Variants in CNTNAP2 observed in about 807,000 individuals in gnomAD.
The protein encoded by CNTNAP2 is contactin associated protein 2, also known as contactin-associated protein-like 2.
Under a neutral mutation model 155.2 loss-of-function variants are expected in CNTNAP2, and 98 were observed. That is an observed-to-expected ratio of 0.63 (90% confidence interval 0.54 to 0.75). The LOEUF is 0.75. Ranked by LOEUF, CNTNAP2 falls within the 30% of genes least tolerant of loss-of-function variation. CNTNAP2 has a pLI of 0.00. For missense variants in CNTNAP2, 1,727 were observed against 1,688.1 expected (o/e 1.02, Z -0.40); for synonymous variants, 651 against 631.2 (o/e 1.03, Z -0.47).
chr7:146,912,686 A>G (rs1187101131), intron 3 of CNTNAP2, among the ~76,000 whole-genome samples: 1 of 152,136 alleles, frequency 6.6e-6, no homozygotes, highest in Admixed American at 6.6e-5. Context: ...TCACTTTCCC[A>G]TTTGTGGCAT....
intron 21 of CNTNAP2, among the ~76,000 whole-genome samples, chr7:148,382,729 G>A (rs563961712): frequency 4.6e-5 from 7 of 152,304 alleles, no homozygotes; most frequent in East Asian, 1.9e-4. Context: ...CAGAGCAATC[G>A]CAGTGCTGCC....
intron 21 of CNTNAP2, among the ~76,000 whole-genome samples, chr7:148,280,500 G>C (rs1796953470): frequency 6.6e-6 from 1 of 152,174 alleles, no homozygotes; most frequent in Non-Finnish European, 1.5e-5. Context: ...TGGTGACACT[G>C]TACTCCTGAT....
intron 1 of CNTNAP2, among the ~76,000 whole-genome samples, chr7:146,550,665 T>C (rs1798108481): frequency 6.6e-6 from 1 of 152,072 alleles, no homozygotes; most frequent in Non-Finnish European, 1.5e-5. Context: ...CAGTTGATTC[T>C]AATTAAGTAT....
At chr7:146,824,649 CT>C (rs1803364804) in intron 2 of CNTNAP2, among the ~76,000 whole-genome samples, 1 of 152,058 alleles carries the variant, frequency 6.6e-6, no homozygotes, top group Non-Finnish European at 1.5e-5. Context: ...CGATCATGAG[CT>C]TTTTTTCATA....
At chr7:147,086,788 TTCTC>T (rs1275985436) in intron 4 of CNTNAP2, among the ~76,000 whole-genome samples, 1 of 152,190 alleles carries the variant, frequency 6.6e-6, no homozygotes, top group Non-Finnish European at 1.5e-5. Flanking sequence ...ATGTAGCACT[TTCTC>T]TAACTATATC....
chr7:146,443,623 C>T (rs1259430371), intron 1 of CNTNAP2, among the ~76,000 whole-genome samples: 1 of 152,202 alleles, frequency 6.6e-6, no homozygotes, highest in East Asian at 1.9e-4. Context: ...CATTTTGTAA[C>T]AAAGGCTATT....
intron 13 of CNTNAP2, among the ~76,000 whole-genome samples, chr7:147,833,782 G>C (rs751505175): frequency 6.6e-6 from 1 of 152,210 alleles, no homozygotes; most frequent in Non-Finnish European, 1.5e-5. Flanking sequence ...ACAAAGCTCT[G>C]TTAGGCAAGG....
chr7:146,554,377 G>T (rs190771561), intron 1 of CNTNAP2, among the ~76,000 whole-genome samples: 1 of 152,080 alleles, frequency 6.6e-6, no homozygotes, highest in Non-Finnish European at 1.5e-5. Context: ...AAAATATTTT[G>T]CTCCATAATA....
chr7:146,944,259 A>G (rs1213089544), intron 3 of CNTNAP2, among the ~76,000 whole-genome samples: 1 of 149,762 alleles, frequency 6.7e-6, no homozygotes, highest in Non-Finnish European at 1.5e-5. Flanking sequence ...ATCTCCAATC[A>G]TTTTTCAATA....
intron 13 of CNTNAP2, among the ~76,000 whole-genome samples, chr7:147,852,363 G>C (rs890859176): frequency 1.3e-5 from 2 of 152,108 alleles, no homozygotes; most frequent in African/African-American, 2.4e-5. Flanking sequence ...CCAAAAATAT[G>C]TTAAGATGTT....
chr7:146,894,785 A>T (rs972233586), intron 3 of CNTNAP2, among the ~76,000 whole-genome samples: 13 of 152,132 alleles, frequency 8.5e-5, no homozygotes, highest in African/African-American at 3.1e-4. Flanking sequence ...CATTCCCATC[A>T]GCTACCATAC....
In CNTNAP2 at chr7:148,098,671, T is replaced by TA. The variant is rs201239091; in HGVS notation, c.2384-19440dup. 9.3e-3 allele frequency among the ~76,000 whole-genome samples: 1,418 copies of TA among 152,092 alleles called. 28 individuals carry two copies. Among genetic ancestry groups the TA allele is most frequent in the African/African-American group, 0.032 (1,338 of 41,490 alleles). ...CTAGGTAAGATAGACCCCATCTCTT[T>TA]AAAAAAATTTTTTAAATTTTCATTA... On this transcript the variant is annotated intron_variant, in intron 15 of 23. Coordinates refer to ENST00000361727, the MANE Select transcript of CNTNAP2 (RefSeq NM_014141.6).
intron 4 of CNTNAP2, among the ~76,000 whole-genome samples, chr7:147,059,899 G>A (rs1239744669): frequency 6.6e-6 from 1 of 151,974 alleles, no homozygotes; most frequent in African/African-American, 2.4e-5. Flanking sequence ...AGAAAGAATG[G>A]TTATAATAAT....
At chr7:146,599,526 C>G (rs1302951540) in intron 1 of CNTNAP2, among the ~76,000 whole-genome samples, 2 of 151,954 alleles carry the variant, frequency 1.3e-5, no homozygotes, top group Non-Finnish European at 2.9e-5. Flanking sequence ...CTAAATATAT[C>G]CACCAATCAG....
At chr7:146,258,180 C>T (rs912800851) in intron 1 of CNTNAP2, among the ~76,000 whole-genome samples, 1 of 152,104 alleles carries the variant, frequency 6.6e-6, no homozygotes, top group Non-Finnish European at 1.5e-5. Flanking sequence ...GCGTGGGCCA[C>T]CATACCTGGT....
intron 1 of CNTNAP2, among the ~76,000 whole-genome samples, chr7:146,236,352 C>T (rs887757782): frequency 6.6e-6 from 1 of 151,958 alleles, no homozygotes; most frequent in African/African-American, 2.4e-5. Flanking sequence ...GAACAGCTTT[C>T]ATATGGAATG....
At chr7:146,262,151 T>G (rs802568) in intron 1 of CNTNAP2, among the ~76,000 whole-genome samples, 24,651 of 152,106 alleles carry the variant, frequency 0.16, 5,146 homozygotes, top group African/African-American at 0.49. Flanking sequence ...GCCACTAACT[T>G]CTTTTTCACC....
chr7:147,812,766 C>T (rs974073073), intron 13 of CNTNAP2, among the ~76,000 whole-genome samples: 4 of 152,066 alleles, frequency 2.6e-5, no homozygotes, highest in African/African-American at 9.7e-5. Flanking sequence ...CTTGTTTCAT[C>T]GGAGAATTTT....
intron 1 of CNTNAP2, among the ~76,000 whole-genome samples, chr7:146,705,792 T>G (rs1283564192): frequency 6.6e-6 from 1 of 152,080 alleles, no homozygotes; most frequent in Non-Finnish European, 1.5e-5. Flanking sequence ...GCTGCCCTAA[T>G]GATTCAATTA....
Sources: allele counts gnomAD v4.1 joint callset (sites outside exome capture counted in the v4.1 genomes callset), GRCh38; gene constraint gnomAD v4.1.1; transcripts MANE v1.5; gene names NCBI Gene and HGNC (gene_info 2026-07-23, HGNC 2026-07-21).